The following FAM135A variants were observed in gnomAD, a reference collection of about 807,000 sequenced individuals.
FAM135A encodes family with sequence similarity 135 member A, also known as protein FAM135A.
A neutral mutation model predicts 146.8 loss-of-function variants in FAM135A; 79 were observed. The ratio of observed to expected loss-of-function variants is 0.54; its 90% CI spans 0.45 to 0.65. The LOEUF (loss-of-function observed/expected upper bound fraction) is 0.65. Among genes scored for constraint, FAM135A ranks in the 30% least tolerant of loss-of-function variants. The probability of loss-of-function intolerance (pLI) is 0.00; values close to 1 mark genes in which losing one functional copy is unlikely to be tolerated. For synonymous variants in FAM135A, 562 were observed against 603.6 expected (o/e 0.93, Z 1.01); for missense variants, 1,623 against 1,758.2 (o/e 0.92, Z 1.38).
chr6:70,491,823 A>G (rs1786046320), intron 11 of FAM135A, among the ~76,000 whole-genome samples: 1 of 151,960 alleles, frequency 6.6e-6, no homozygotes, highest in Admixed American at 6.5e-5. Context: ...GCTCAAAAGA[A>G]CATTAAACAT....
At chr6:70,503,892 C>T (rs2128259071) in intron 12 of FAM135A, 1 of 152,334 alleles carries the variant, frequency 6.6e-6, no homozygotes, top group East Asian at 1.9e-4. Flanking sequence ...ATCCATTCTA[C>T]TGTTGATAGA....
chr6:70,483,495 C>T (rs1186783429), intron 10 of FAM135A, among the ~76,000 whole-genome samples: 1 of 152,018 alleles, frequency 6.6e-6, no homozygotes, highest in Non-Finnish European at 1.5e-5. Flanking sequence ...TTCCTGTTTC[C>T]CTTAGGAAAA....
At chr6:70,537,806 G>T (rs1354564004) in intron 19 of FAM135A, among the ~76,000 whole-genome samples, 1 of 152,092 alleles carries the variant, frequency 6.6e-6, no homozygotes, top group East Asian at 1.9e-4. Context: ...TAAAACAAAT[G>T]ATATTCAGCT....
At chr6:70,495,799 C>A (rs146810652) in intron 11 of FAM135A, among the ~76,000 whole-genome samples, 1,727 of 152,182 alleles carry the variant, frequency 0.011, 16 homozygotes, top group Non-Finnish European at 0.017. Flanking sequence ...CCCCTCACCC[C>A]CTGACAGGCC....
chr6:70,511,045 C>T (rs1790884875), intron 12 of FAM135A, among the ~76,000 whole-genome samples: 2 of 152,046 alleles, frequency 1.3e-5, no homozygotes, highest in Non-Finnish European at 1.5e-5. Flanking sequence ...ACCTTGGACA[C>T]CTTTTCATAT....
chr6:70,544,756 T>C (rs1036836928), intron 20 of FAM135A, among the ~76,000 whole-genome samples: 17 of 146,800 alleles, frequency 1.2e-4, no homozygotes, highest in Non-Finnish European at 2.4e-4. Context: ...TAAAAAAAAA[T>C]AAAGCCCACT....
At chr6:70,465,147 T>C (rs1457680025) in intron 5 of FAM135A, among the ~76,000 whole-genome samples, 6 of 152,178 alleles carry the variant, frequency 3.9e-5, no homozygotes. Flanking sequence ...TTTCTGTGAC[T>C]GGCTTATTTC....
At position 70,524,806 on chromosome 6, in the gene FAM135A, CTGTT is replaced by C; in HGVS notation, c.1725_1728del (p.Leu576GlnfsTer25). On this transcript the variant is annotated frameshift_variant, in exon 15 of 22. Transcript: ENST00000418814. LOFTEE classifies it high-confidence loss of function. ...GACAGACAAGTCAAAAGGAAGCTAG[CTGTT>C]TGCCAACTAATACAGAGAGAACTGA... The C allele has an allele frequency of 6.4e-7, 1 of 1,557,250 alleles. No individual in the cohort carries two copies. The highest frequency in any genetic ancestry group is 8.7e-7 in the Non-Finnish European group (1 of 1,149,836).
intron 5 of FAM135A, among the ~76,000 whole-genome samples, chr6:70,458,780 G>T (rs1175464040): frequency 2.0e-5 from 3 of 152,128 alleles, no homozygotes; most frequent in Non-Finnish European, 4.4e-5. Flanking sequence ...CTGTCTAGAT[G>T]CATTTCCTCC....
chr6:70,526,949 C>T, intron 15 of FAM135A, among the ~76,000 whole-genome samples: 1 of 151,966 alleles, frequency 6.6e-6, no homozygotes, highest in Non-Finnish European at 1.5e-5. Context: ...CCTATAGTTG[C>T]TGAATGATCG....
In FAM135A at chr6:70,449,238, CT is replaced by C. The variant is rs113311699; in HGVS notation, c.78-3244del. On this transcript the variant is annotated intron_variant, in intron 4 of 21. Transcript: ENST00000418814. ...ATTAACGTATTTATCACCTCACCTA[CT>C]TTTTTTTTTGTGGTGAGAACATTTT... is the stretch of plus-strand genomic sequence containing the variant. 1.2e-3 allele frequency among the ~76,000 whole-genome samples: 185 copies of C among 148,496 alleles called. 1 individual carries two copies. The highest frequency in any genetic ancestry group is 3.8e-3 in the African/African-American group (153 of 40,694).
At chr6:70,528,235 G>C in intron 15 of FAM135A, 57 bp from the exon 16 acceptor site, 1 of 1,475,690 alleles carries the variant, frequency 6.8e-7, no homozygotes, top group Non-Finnish European at 9.1e-7. Context: ...AATTCAGGAG[G>C]GTTCTAACAA....
intron 12 of FAM135A, among the ~76,000 whole-genome samples, chr6:70,515,290 T>C (rs1791940524): frequency 6.6e-6 from 1 of 152,220 alleles, no homozygotes; most frequent in Admixed American, 6.5e-5. Context: ...TGAAAATTTA[T>C]GTCCACACAA....
intron 4 of FAM135A, among the ~76,000 whole-genome samples, chr6:70,438,447 A>T (rs1267746493): frequency 1.3e-5 from 2 of 152,250 alleles, no homozygotes; most frequent in Non-Finnish European, 2.9e-5. Context: ...GAAATCGTGC[A>T]CGTCCCTCTT....
rs114317396 is a variant in FAM135A at position 70,490,521 on chromosome 6, C to T, written c.824-513C>T. On this transcript the variant is annotated intron_variant, in intron 10 of 21. Coordinates refer to ENST00000418814, the MANE Select transcript of FAM135A (RefSeq NM_001162529.3). ...AGAATATTTTATAGAAAAATAAATA[C>T]ATTAGGAACTAACTATTAAAGGATC... Among the ~76,000 whole-genome samples the T allele has an allele frequency of 3.0e-3, 460 of 151,986 alleles. 1 individual carries two copies. The highest frequency in any genetic ancestry group is 8.6e-3 in the African/African-American group (355 of 41,474).
rs534314794 is a variant in FAM135A, at chr6:70,524,492, A to G, written c.1408A>G (p.Thr470Ala). 1.5e-5 allele frequency: 23 copies of G among 1,551,180 alleles called. No homozygotes were observed. Among genetic ancestry groups the G allele is most frequent in the South Asian group, 9.5e-5 (8 of 83,994 alleles). ...RPAGASSIWY[T>A]EGEKQLTKSL... is the part of the protein sequence containing the mutation. ...TGCTGGTGCCTCCAGTATTTGGTAT[A>G]CAGAAGGTGAAAAGCAGCTAACAAA... The change falls in exon 15 of 22, where the codon ACA (threonine) becomes GCA (alanine). Residue 470 changes from threonine (T) to alanine (A), a missense_variant. This residue lies in a region of FAM135A where 1,061 missense variants were observed against 1,113.8 expected (regional missense o/e 0.95). Transcript: ENST00000418814.
chr6:70,549,639 T>G (rs1208381345), intron 20 of FAM135A, among the ~76,000 whole-genome samples: 1 of 152,186 alleles, frequency 6.6e-6, no homozygotes. Context: ...ACTTTAATTT[T>G]AAAATACTTT....
intron 11 of FAM135A, among the ~76,000 whole-genome samples, chr6:70,492,107 G>A (rs1786117996): frequency 6.6e-6 from 1 of 151,792 alleles, no homozygotes. Context: ...TACAAATGTA[G>A]AAAGACTTGC....
At chr6:70,469,255 A>T (rs1207516590) in intron 5 of FAM135A, among the ~76,000 whole-genome samples, 1 of 152,194 alleles carries the variant, frequency 6.6e-6, no homozygotes, top group East Asian at 1.9e-4. Context: ...ATATTTGTTG[A>T]TCGGATGAGT....
Sources: gnomAD v4.1 joint callset for allele counts (sites outside exome capture counted in the v4.1 genomes callset) on GRCh38, gnomAD v4.1.1 for gene constraint, gnomAD v4.1.1 regional missense constraint, MANE v1.5 for transcripts, NCBI Gene and HGNC (gene_info 2026-07-23, HGNC 2026-07-21) for gene names.